VPS54: variants seen among roughly 807,000 people sequenced by gnomAD.
VPS54 encodes the protein VPS54 subunit of GARP complex.
In VPS54, 45 loss-of-function variants were observed where a neutral mutation model predicts 121.5. That is an observed-to-expected ratio of 0.37 (90% CI 0.29 to 0.47). The LOEUF (loss-of-function observed/expected upper bound fraction) is 0.47. VPS54 is among the 20% of genes least tolerant of loss of function. The pLI is 0.99. For synonymous variants in VPS54, 371 were observed against 385.8 expected (o/e 0.96, Z 0.45); for missense variants, 1,090 against 1,131.4 (o/e 0.96, Z 0.52).
intron 20 of VPS54, among the ~76,000 whole-genome samples, chr2:63,909,446 G>C (rs771520997): frequency 8.8e-6 from 1 of 113,882 alleles, no homozygotes; most frequent in Non-Finnish European, 1.7e-5. Flanking sequence ...TTTTGAGATG[G>C]AGTCTCACTC....
At position 63,944,641 on chromosome 2, in the gene VPS54, T is replaced by C; in HGVS notation, c.1260A>G (p.Lys420=). 6.2e-7 allele frequency: 1 copy of C among 1,609,678 alleles called. No homozygotes were observed. The highest frequency in any genetic ancestry group is 8.5e-7 in the Non-Finnish European group (1 of 1,178,388). Residue 420 remains lysine, a synonymous_variant, in exon 10 of 23, where the codon AAA becomes AAG. Transcript: ENST00000272322. ...TGTCTATTTCTTCTGTTTGTGAAAC[T>C]TTATTAATCACACACTGCAAAATTT... The part of the protein sequence containing the change: ...KNIIKQCVIN[K]VSQTEEIDTD...
chr2:64,009,778 C>T (rs1454116167), intron 1 of VPS54, among the ~76,000 whole-genome samples: 1 of 151,908 alleles, frequency 6.6e-6, no homozygotes, highest in Middle Eastern at 3.2e-3. Flanking sequence ...GGCATCACTG[C>T]ACTCTGACCA....
intron 9 of VPS54, among the ~76,000 whole-genome samples, chr2:63,947,138 A>G (rs1675016083): frequency 1.3e-5 from 2 of 152,034 alleles, no homozygotes; most frequent in Non-Finnish European, 2.9e-5. Flanking sequence ...TAACTGAAAT[A>G]TATGTATAAA....
intron 7 of VPS54, among the ~76,000 whole-genome samples, chr2:63,958,593 C>T (rs949718140): frequency 1.3e-5 from 2 of 152,058 alleles, no homozygotes; most frequent in Non-Finnish European, 2.9e-5. Flanking sequence ...CACAGACCTA[C>T]AGTCTTAGCT....
intron 1 of VPS54, among the ~76,000 whole-genome samples, chr2:63,991,292 C>T (rs1224331200): frequency 6.6e-6 from 1 of 152,214 alleles, no homozygotes; most frequent in Non-Finnish European, 1.5e-5. Flanking sequence ...GTCTGATGAG[C>T]ATGCTCAAGG....
chr2:63,924,782 T>C (rs1673819095), intron 12 of VPS54, among the ~76,000 whole-genome samples: 1 of 152,194 alleles, frequency 6.6e-6, no homozygotes, highest in Non-Finnish European at 1.5e-5. Context: ...TATCTGAATA[T>C]TTGATTTATG....
At chr2:63,921,459 G>GT (rs1344947483) in intron 12 of VPS54, 124 bp from the exon 13 acceptor site, 3 of 971,634 alleles carry the variant, frequency 3.1e-6, no homozygotes, top group Non-Finnish European at 4.5e-6. Flanking sequence ...ATTCTATGAT[G>GT]TACCAAATAT....
intron 20 of VPS54, among the ~76,000 whole-genome samples, chr2:63,911,386 CAGAGGTGTAGTGTAG>C (rs1673142093): frequency 1.3e-5 from 2 of 152,092 alleles, no homozygotes; most frequent in Admixed American, 1.3e-4. Flanking sequence ...CCAACTACAC[CAGAGGTGTAGTGTAG>C]TCTGGGGATT....
At chr2:63,963,764 A>G (rs1316339507) in intron 6 of VPS54, among the ~76,000 whole-genome samples, 1 of 152,184 alleles carries the variant, frequency 6.6e-6, no homozygotes, top group Non-Finnish European at 1.5e-5. Flanking sequence ...GCACAAATAT[A>G]CTAGGGTAAA....
intron 12 of VPS54, among the ~76,000 whole-genome samples, chr2:63,930,090 A>C (rs956936317): frequency 6.7e-6 from 1 of 149,992 alleles, no homozygotes; most frequent in Admixed American, 6.6e-5. Flanking sequence ...AGGTACGAGG[A>C]AGAGCTAGTA....
chr2:63,981,501 G>A, intron 3 of VPS54, 145 bp downstream of exon 3: 1 of 762,160 alleles, frequency 1.3e-6, no homozygotes, highest in Non-Finnish European at 1.9e-6. Flanking sequence ...AGAATTAAAT[G>A]CAACCCAGGA....
At chr2:63,917,829 C>A (rs1424486045) in intron 15 of VPS54, among the ~76,000 whole-genome samples, 1 of 151,970 alleles carries the variant, frequency 6.6e-6, no homozygotes, top group Non-Finnish European at 1.5e-5. Context: ...CCAGCTCTAC[C>A]ACTTCCTAGC....
chr2:63,986,371 G>C (rs191415772), intron 1 of VPS54, among the ~76,000 whole-genome samples: 1 of 152,286 alleles, frequency 6.6e-6, no homozygotes, highest in African/African-American at 2.4e-5. Context: ...AACATGTGAA[G>C]TTTCTCATTC....
intron 16 of VPS54, among the ~76,000 whole-genome samples, chr2:63,915,055 G>A (rs572006327): frequency 1.3e-5 from 2 of 149,998 alleles, no homozygotes; most frequent in Admixed American, 6.7e-5. Context: ...GGAGGCTGAG[G>A]CAGGAGAATC....
chr2:63,895,810 A>G (rs531373452), intron 22 of VPS54, among the ~76,000 whole-genome samples: 1 of 152,332 alleles, frequency 6.6e-6, no homozygotes, highest in East Asian at 1.9e-4. Context: ...AGCATGTGAC[A>G]GTGAGGATTC....
intron 6 of VPS54, among the ~76,000 whole-genome samples, chr2:63,964,986 G>A (rs1292410194): frequency 6.6e-6 from 1 of 152,094 alleles, no homozygotes; most frequent in South Asian, 2.1e-4. Context: ...CTGACTTCTG[G>A]ACTATGACAT....
At chr2:63,931,883 T>C (rs1214443764) in intron 12 of VPS54, among the ~76,000 whole-genome samples, 1 of 152,152 alleles carries the variant, frequency 6.6e-6, no homozygotes, top group Non-Finnish European at 1.5e-5. Context: ...GACATTTATG[T>C]GGCCAAAAGA....
intron 11 of VPS54, among the ~76,000 whole-genome samples, chr2:63,935,392 A>T (rs922397839): frequency 6.6e-6 from 1 of 152,054 alleles, no homozygotes; most frequent in Admixed American, 6.6e-5. Context: ...ATTGCTCACT[A>T]GCTTCTTCTG....
chr2:63,920,366 G>C (rs969395796), intron 14 of VPS54, 80 bp downstream of exon 14: 1 of 1,294,156 alleles, frequency 7.7e-7, no homozygotes, highest in Non-Finnish European at 1.0e-6. Flanking sequence ...TGGCCAATTA[G>C]GTTTCCTCTT....
Sources: gnomAD v4.1 joint callset for allele counts (sites outside exome capture counted in the v4.1 genomes callset) on GRCh38, gnomAD v4.1.1 for gene constraint, MANE v1.5 for transcripts, NCBI Gene and HGNC (gene_info 2026-07-23, HGNC 2026-07-21) for gene names.